PCDH15: variants seen among roughly 807,000 people sequenced by gnomAD.
PCDH15 encodes the protein protocadherin-15.
PCDH15 carries 129 observed loss-of-function variants against 178.5 expected under a neutral mutation model. That is an observed-to-expected ratio of 0.72 (90% CI 0.63 to 0.84). The LOEUF (loss-of-function observed/expected upper bound fraction) is 0.84. Among genes scored for constraint, PCDH15 ranks in the 40% least tolerant of loss-of-function variants. The pLI is 0.00. For missense variants in PCDH15, 2,230 were observed against 2,099.9 expected, an observed-to-expected ratio of 1.06 and a Z score of -1.21; for synonymous variants, 800 against 732.0, an observed-to-expected ratio of 1.09 and a Z score of -1.50.
At chr10:54,337,409 C>T (rs1565004541) in intron 6 of PCDH15, among the ~76,000 whole-genome samples, 2 of 152,088 alleles carry the variant, frequency 1.3e-5, no homozygotes, top group South Asian at 4.1e-4. Flanking sequence ...TCCCATAATC[C>T]CCAAGTGTTG....
At chr10:55,301,192 C>G (rs1333318091) in intron 1 of PCDH15, among the ~76,000 whole-genome samples, 2 of 152,112 alleles carry the variant, frequency 1.3e-5, no homozygotes, top group African/African-American at 4.8e-5. Flanking sequence ...AAGTGTTTTC[C>G]AAGTTGGTAA....
At chr10:54,003,055 G>A (rs7358220) in intron 20 of PCDH15, among the ~76,000 whole-genome samples, 6,936 of 152,202 alleles carry the variant, frequency 0.046, 227 homozygotes, top group East Asian at 0.11. Flanking sequence ...GCAAGACCAC[G>A]AATCCATCAG....
At chr10:55,329,690 A>C (rs1480718287) in intron 2 of PCDH15, among the ~76,000 whole-genome samples, 1 of 151,824 alleles carries the variant, frequency 6.6e-6, no homozygotes, top group Admixed American at 6.6e-5. Flanking sequence ...AGAGTGGGGA[A>C]GTCTCAATAA....
chr10:55,243,942 G>A (rs529380424), intron 1 of PCDH15, among the ~76,000 whole-genome samples: 215 of 151,968 alleles, frequency 1.4e-3, no homozygotes, highest in Non-Finnish European at 2.3e-3. Flanking sequence ...ATGTAAATTC[G>A]GGTTATAAGT....
At chr10:55,300,010 A>G (rs1054138899) in intron 1 of PCDH15, among the ~76,000 whole-genome samples, 2 of 152,164 alleles carry the variant, frequency 1.3e-5, no homozygotes. Context: ...CGTTTTATCA[A>G]TTTCATATTA....
chr10:55,312,371 G>A (rs1843606072), intron 1 of PCDH15, among the ~76,000 whole-genome samples: 1 of 152,066 alleles, frequency 6.6e-6, no homozygotes, highest in African/African-American at 2.4e-5. Context: ...CATTGCCTAA[G>A]AGATTCTAAA....
intron 18 of PCDH15, among the ~76,000 whole-genome samples, chr10:54,026,235 A>AT (rs1159054396): frequency 5.9e-5 from 9 of 151,928 alleles, no homozygotes; most frequent in African/African-American, 2.2e-4. Flanking sequence ...GGCCTGGCTA[A>AT]TTTTTTGTAT....
At chr10:54,063,650 C>T in intron 18 of PCDH15, among the ~76,000 whole-genome samples, 1 of 152,304 alleles carries the variant, frequency 6.6e-6, no homozygotes, top group East Asian at 1.9e-4. Context: ...ATCACCCACT[C>T]CACCTGGCAG....
chr10:55,420,635 G>A (rs1267860563), intron 2 of PCDH15, among the ~76,000 whole-genome samples: 1 of 151,530 alleles, frequency 6.6e-6, no homozygotes, highest in East Asian at 1.9e-4. Flanking sequence ...ATAACCCAAA[G>A]GTCCACCGAT....
At chr10:54,559,849 G>GT (rs1491202890) in intron 2 of PCDH15, among the ~76,000 whole-genome samples, 88 of 27,752 alleles carry the variant, frequency 3.2e-3, no homozygotes, top group African/African-American at 8.0e-3. Context: ...TTGTCTTATA[G>GT]TAAAAAAAAA....
At chr10:54,671,403 C>T (rs192249652) in intron 1 of PCDH15, among the ~76,000 whole-genome samples, 24 of 152,000 alleles carry the variant, frequency 1.6e-4, no homozygotes, top group Admixed American at 5.9e-4. Context: ...AGAGACTAAA[C>T]GTAAAAGTAT....
intron 1 of PCDH15, among the ~76,000 whole-genome samples, chr10:55,239,441 T>C (rs187946713): frequency 8.5e-5 from 13 of 152,246 alleles, no homozygotes; most frequent in African/African-American, 2.4e-4. Context: ...GAACTTACAC[T>C]GAGCAAAGGA....
chr10:54,906,660 C>G (rs767169077), intron 2 of PCDH15, among the ~76,000 whole-genome samples: 1 of 151,958 alleles, frequency 6.6e-6, no homozygotes, highest in African/African-American at 2.4e-5. Context: ...TGAGAAATAA[C>G]CTGGAGGAGA....
intron 26 of PCDH15, among the ~76,000 whole-genome samples, chr10:53,897,594 T>C (rs1329945729): frequency 3.5e-5 from 3 of 85,894 alleles, no homozygotes; most frequent in Non-Finnish European, 8.0e-5. Context: ...ACATTAAGTG[T>C]ATTCACATTG....
At chr10:55,553,867 T>C (rs1425361699) in intron 2 of PCDH15, among the ~76,000 whole-genome samples, 4 of 151,888 alleles carry the variant, frequency 2.6e-5, no homozygotes, top group African/African-American at 4.8e-5. Flanking sequence ...CTATACGTCC[T>C]TAAAGAACCT....
chr10:55,423,814 C>G (rs571152621), intron 2 of PCDH15, among the ~76,000 whole-genome samples: 1 of 152,108 alleles, frequency 6.6e-6, no homozygotes, highest in Non-Finnish European at 1.5e-5. Context: ...TTTTTATATT[C>G]CAATAACTTA....
chr10:53,957,975 A>G (rs528369293), intron 23 of PCDH15, among the ~76,000 whole-genome samples: 124 of 152,336 alleles, frequency 8.1e-4, no homozygotes, highest in African/African-American at 1.1e-3. Flanking sequence ...TGGTAATTAT[A>G]TTACATAATT....
At chr10:54,039,050 G>T (rs1365505585) in intron 18 of PCDH15, among the ~76,000 whole-genome samples, 1 of 151,908 alleles carries the variant, frequency 6.6e-6, no homozygotes, top group African/African-American at 2.4e-5. Context: ...TCTTAAATAT[G>T]ATGAACTTTA....
chr10:54,696,212 C>G (rs1253378162), intron 1 of PCDH15, among the ~76,000 whole-genome samples: 1 of 151,904 alleles, frequency 6.6e-6, no homozygotes, highest in Non-Finnish European at 1.5e-5. Flanking sequence ...GAAGTTGATT[C>G]CAACACTCAT....
Sources: gnomAD v4.1 joint callset for allele counts (sites outside exome capture counted in the v4.1 genomes callset) on GRCh38, gnomAD v4.1.1 for gene constraint, MANE v1.5 for transcripts, NCBI Gene and HGNC (gene_info 2026-07-23, HGNC 2026-07-21) for gene names.